The following NSD1 variants were observed in gnomAD, a reference collection of about 807,000 sequenced individuals.
NSD1 encodes the protein nuclear receptor binding SET domain protein 1.
Under a neutral mutation model 242.7 loss-of-function variants are expected in NSD1, and 26 were observed. The ratio of observed to expected loss-of-function variants is 0.11; its 90% CI spans 0.08 to 0.15. The LOEUF (loss-of-function observed/expected upper bound fraction) is 0.15. Among genes scored for constraint, NSD1 ranks in the 10% least tolerant of loss-of-function variants. The pLI, the probability that NSD1 is intolerant of heterozygous loss-of-function variation, is 1.00. For synonymous variants in NSD1, 1,106 were observed against 1,178.1 expected, an observed-to-expected ratio of 0.94 and a Z score of 1.25; for missense variants, 2,495 against 3,272.8, an observed-to-expected ratio of 0.76 and a Z score of 5.80.
chr5:177,201,640 C>T (rs1199139941), intron 3 of NSD1, among the ~76,000 whole-genome samples: 1 of 150,522 alleles, frequency 6.6e-6, no homozygotes, highest in African/African-American at 2.4e-5. Context: ...CTCACTGCAA[C>T]CCCCGCCTCC....
intron 17 of NSD1, among the ~76,000 whole-genome samples, chr5:177,277,733 G>C (rs1331852633): frequency 6.6e-6 from 1 of 152,094 alleles, no homozygotes; most frequent in Non-Finnish European, 1.5e-5. Context: ...AAAATTTGGG[G>C]TGCCTGTTGT....
intron 2 of NSD1, among the ~76,000 whole-genome samples, chr5:177,139,941 CAA>C (rs58879575): frequency 0.028 from 2,706 of 95,470 alleles, 31 homozygotes; most frequent in Non-Finnish European, 0.045. Flanking sequence ...AAGATCCTGT[CAA>C]AAAAAAAAAA....
At chr5:177,193,921 G>A (rs1397745496) in intron 3 of NSD1, among the ~76,000 whole-genome samples, 6 of 151,814 alleles carry the variant, frequency 4.0e-5, no homozygotes, top group Non-Finnish European at 7.4e-5. Flanking sequence ...GGGATTACAG[G>A]TGCGTGCCAC....
At chr5:177,216,947 A>G (rs1468721758) in intron 5 of NSD1, among the ~76,000 whole-genome samples, 1 of 142,154 alleles carries the variant, frequency 7.0e-6, no homozygotes, top group African/African-American at 2.8e-5. Flanking sequence ...TAAGGCCTTC[A>G]GTTTTTTTTT....
chr5:177,271,208 T>C (rs1011136646), intron 16 of NSD1, among the ~76,000 whole-genome samples: 10 of 152,140 alleles, frequency 6.6e-5, no homozygotes, highest in African/African-American at 2.4e-4. Context: ...TTTGGTATTA[T>C]TAATATTGTG....
intron 5 of NSD1, among the ~76,000 whole-genome samples, chr5:177,229,518 A>G (rs1764889845): frequency 6.6e-6 from 1 of 152,170 alleles, no homozygotes; most frequent in Non-Finnish European, 1.5e-5. Flanking sequence ...CAGTATCCAA[A>G]AGGTCATATT....
At chr5:177,291,872 G>A in intron 21 of NSD1, 82 bp from the exon 22 acceptor site, 1 of 1,249,624 alleles carries the variant, frequency 8.0e-7, no homozygotes, top group Non-Finnish European at 1.2e-6. Flanking sequence ...AAGAGAATGA[G>A]GCTCAGAGAG....
chr5:177,185,927 TATAA>T (rs1404876363), intron 2 of NSD1, among the ~76,000 whole-genome samples: 4 of 88,574 alleles, frequency 4.5e-5, no homozygotes, highest in South Asian at 6.0e-4. Context: ...TATTTATATA[TATAA>T]ATAAATATAT....
intron 14 of NSD1, chr5:177,265,642 G>T (rs780673278): frequency 2.3e-4 from 366 of 1,600,668 alleles, no homozygotes; most frequent in Non-Finnish European, 2.9e-4. Flanking sequence ...TGATGGTGAA[G>T]TCCCGGTCCC....
chr5:177,257,897 C>T (rs1198125866), intron 13 of NSD1, among the ~76,000 whole-genome samples: 3 of 149,356 alleles, frequency 2.0e-5, no homozygotes, highest in Non-Finnish European at 3.0e-5. Flanking sequence ...ATCTCCTGAC[C>T]TCGTGAGCCA....
chr5:177,199,487 G>A (rs1161131776), intron 3 of NSD1, among the ~76,000 whole-genome samples: 1 of 152,162 alleles, frequency 6.6e-6, no homozygotes, highest in Non-Finnish European at 1.5e-5. Flanking sequence ...GAACTACTGG[G>A]CTCAAACAGT....
At chr5:177,249,451 A>ATTT (rs1332710766) in intron 11 of NSD1, among the ~76,000 whole-genome samples, 1 of 150,204 alleles carries the variant, frequency 6.7e-6, no homozygotes, top group African/African-American at 2.4e-5. Context: ...CTTTTTTATT[A>ATTT]ATTAATTATT....
intron 2 of NSD1, among the ~76,000 whole-genome samples, chr5:177,185,063 A>G (rs1228192329): frequency 1.3e-5 from 2 of 152,138 alleles, no homozygotes; most frequent in Non-Finnish European, 2.9e-5. Context: ...CTGAGTCCTT[A>G]GAGTTGCGAT....
At chr5:177,279,042 C>G (rs981889611) in intron 17 of NSD1, among the ~76,000 whole-genome samples, 1 of 152,182 alleles carries the variant, frequency 6.6e-6, no homozygotes, top group Non-Finnish European at 1.5e-5. Flanking sequence ...AGTGACATTG[C>G]TATAGTCCTT....
chr5:177,162,687 T>TAA (rs1758858634), intron 2 of NSD1, among the ~76,000 whole-genome samples: 1 of 152,076 alleles, frequency 6.6e-6, no homozygotes, highest in Non-Finnish European at 1.5e-5. Flanking sequence ...TTGCCCATTA[T>TAA]AGCTTTTTTG....
chr5:177,150,374 A>T (rs1270936444), intron 2 of NSD1, among the ~76,000 whole-genome samples: 2 of 151,944 alleles, frequency 1.3e-5, no homozygotes, highest in African/African-American at 2.4e-5. Context: ...CAGGGAATCC[A>T]CCGCCTTGGC....
intron 9 of NSD1, 51 bp downstream of exon 9, chr5:177,244,321 G>A: frequency 1.5e-6 from 2 of 1,311,868 alleles, no homozygotes; most frequent in South Asian, 1.2e-5. Context: ...AGTTTGAAGT[G>A]CTTTGTCTGT....
chr5:177,135,088 T>C lies in NSD1; in HGVS notation c.-16T>C. ...AATTGCTGTGCTTTTGGATTCCAGG[T>C]TGATGCCGGCCCAGGATGGATCAGA... On this transcript the variant is annotated splice_region_variant and 5_prime_UTR_variant, in exon 2 of 23. Coordinates refer to ENST00000439151, the MANE Select transcript of NSD1 (RefSeq NM_022455.5). 1 of 1,614,018 alleles carries C rather than the reference T, an allele frequency of 6.2e-7. No individual in the cohort carries two copies. Among genetic ancestry groups the C allele is most frequent in the Non-Finnish European group, 8.5e-7 (1 of 1,179,874 alleles).
At chr5:177,222,953 CTA>C (rs1305855078) in intron 5 of NSD1, among the ~76,000 whole-genome samples, 2 of 152,062 alleles carry the variant, frequency 1.3e-5, no homozygotes, top group Non-Finnish European at 2.9e-5. Context: ...AGGATTTACC[CTA>C]TGTTTTCTTC....
Sources: allele counts gnomAD v4.1 joint callset (sites outside exome capture counted in the v4.1 genomes callset), GRCh38; gene constraint gnomAD v4.1.1; transcripts MANE v1.5; gene names NCBI Gene and HGNC (gene_info 2026-07-23, HGNC 2026-07-21).